CHD2: variants seen among roughly 807,000 people sequenced by gnomAD.
CHD2 encodes chromodomain helicase DNA binding protein 2.
A neutral mutation model predicts 243.9 loss-of-function variants in CHD2; 28 were observed. The ratio of observed to expected loss-of-function variants is 0.11; its 90% CI spans 0.09 to 0.16. The LOEUF (loss-of-function observed/expected upper bound fraction) is 0.16, where lower values mean the gene tolerates loss of function less well. Ranked by LOEUF, CHD2 falls within the 10% of genes least tolerant of loss-of-function variation. The pLI is 1.00. For synonymous variants in CHD2, 775 were observed against 779.0 expected, an observed-to-expected ratio of 0.99 and a Z score of 0.09; for missense variants, 1,386 against 2,209.8, an observed-to-expected ratio of 0.63 and a Z score of 7.47.
chr15:92,959,762 T>TATTA (rs1485849940), intron 16 of CHD2, among the ~76,000 whole-genome samples: 2 of 152,198 alleles, frequency 1.3e-5, no homozygotes, highest in African/African-American at 4.8e-5. Flanking sequence ...AAAGTACTGG[T>TATTA]ATTATAGGCG....
At chr15:92,907,738 A>G (rs1370221306) in intron 2 of CHD2, among the ~76,000 whole-genome samples, 1 of 152,216 alleles carries the variant, frequency 6.6e-6, no homozygotes, top group Non-Finnish European at 1.5e-5. Context: ...AGAGCCCATC[A>G]CATTAAAAGT....
At chr15:92,968,431 A>C in intron 17 of CHD2, among the ~76,000 whole-genome samples, 1 of 152,204 alleles carries the variant, frequency 6.6e-6, no homozygotes, top group Admixed American at 6.5e-5. Flanking sequence ...GTAAGTGTAA[A>C]GGCTTGATTA....
intron 2 of CHD2, chr15:92,901,842 C>T (rs758977933): frequency 2.3e-5 from 6 of 263,456 alleles, no homozygotes; most frequent in Non-Finnish European, 3.5e-5. Flanking sequence ...TGATGCCTCT[C>T]AGTTTATATT....
At chr15:93,004,555 A>G in intron 33 of CHD2, 62 bp from the exon 34 acceptor site, 1 of 1,480,458 alleles carries the variant, frequency 6.8e-7, no homozygotes, top group Non-Finnish European at 9.1e-7. Context: ...TAGGTAAGAA[A>G]CCTAAATCGC....
chr15:92,943,215 A>C, intron 9 of CHD2, 147 bp downstream of exon 9: 2 of 654,602 alleles, frequency 3.1e-6, no homozygotes, highest in Non-Finnish European at 5.2e-6. Flanking sequence ...ATTCTATTTT[A>C]TAAGATTGTG....
intron 6 of CHD2, among the ~76,000 whole-genome samples, chr15:92,937,838 C>T (rs956580852): frequency 6.6e-6 from 1 of 152,228 alleles, no homozygotes; most frequent in Non-Finnish European, 1.5e-5. Context: ...AACATGTCTT[C>T]CGCTTTTAGT....
At chr15:92,925,404 A>G (rs999430814) in intron 3 of CHD2, among the ~76,000 whole-genome samples, 1 of 152,216 alleles carries the variant, frequency 6.6e-6, no homozygotes, top group Admixed American at 6.5e-5. Context: ...AAGGACAAAT[A>G]AGAACACAAG....
chr15:93,016,867 T>A (rs2054468995), intron 37 of CHD2, among the ~76,000 whole-genome samples: 2 of 151,134 alleles, frequency 1.3e-5, no homozygotes, highest in African/African-American at 4.9e-5. Flanking sequence ...AGAAAAAAAC[T>A]CTGTGGAGCT....
At chr15:92,941,702 A>C (rs551551193) in intron 7 of CHD2, 120 bp from the exon 8 acceptor site, 1 of 1,025,442 alleles carries the variant, frequency 9.8e-7, no homozygotes, top group African/African-American at 1.6e-5. Flanking sequence ...TGGCAGATCT[A>C]TAAAACAACA....
intron 34 of CHD2, among the ~76,000 whole-genome samples, chr15:93,007,736 T>C (rs2054339421): frequency 6.6e-6 from 1 of 152,210 alleles, no homozygotes; most frequent in African/African-American, 2.4e-5. Flanking sequence ...TTATGGAATT[T>C]CTTGTGTTTG....
intron 28 of CHD2, among the ~76,000 whole-genome samples, chr15:92,993,810 G>C (rs1007252589): frequency 7.9e-5 from 12 of 151,998 alleles, no homozygotes; most frequent in Non-Finnish European, 1.5e-5. Flanking sequence ...GCCGAAAGTA[G>C]TAGGATGCAC....
chr15:92,908,088 G>A (rs911332045), intron 2 of CHD2, among the ~76,000 whole-genome samples: 2 of 139,444 alleles, frequency 1.4e-5, no homozygotes, highest in African/African-American at 5.4e-5. Flanking sequence ...AGCTTCTTGT[G>A]TGAATCACAG....
At chr15:92,912,723 CA>C (rs112338036) in intron 2 of CHD2, among the ~76,000 whole-genome samples, 12,821 of 151,980 alleles carry the variant, frequency 0.084, 1,509 homozygotes, top group African/African-American at 0.27. Context: ...TTAGTAGAGA[CA>C]GGGGTTTCAC....
chr15:93,024,250 C>T, intron 38 of CHD2, 122 bp from the exon 39 acceptor site: 1 of 842,866 alleles, frequency 1.2e-6, no homozygotes, highest in South Asian at 1.8e-5. Context: ...TTTTTGATTC[C>T]TAATAATGTG....
chr15:92,950,960 A>C (rs2053546179), intron 13 of CHD2, among the ~76,000 whole-genome samples: 1 of 152,120 alleles, frequency 6.6e-6, no homozygotes, highest in Non-Finnish European at 1.5e-5. Context: ...TGATATAATG[A>C]TTCTGAATTG....
At chr15:93,011,264 G>A (rs1055718453) in intron 35 of CHD2, among the ~76,000 whole-genome samples, 6 of 152,168 alleles carry the variant, frequency 3.9e-5, no homozygotes, top group Non-Finnish European at 2.9e-5. Context: ...TCGTCATGAG[G>A]CAGCAAATGC....
chr15:92,945,982 A>G, intron 11 of CHD2, 56 bp from the exon 12 acceptor site: 1 of 1,512,634 alleles, frequency 6.6e-7, no homozygotes, highest in East Asian at 2.3e-5. Context: ...ACAGAATGTC[A>G]TTTTTCACTT....
At chr15:92,977,467 A>G (rs916756686) in intron 20 of CHD2, among the ~76,000 whole-genome samples, 2 of 152,176 alleles carry the variant, frequency 1.3e-5, no homozygotes, top group South Asian at 2.1e-4. Flanking sequence ...CTTTTGACAT[A>G]TATGATTAAA....
intron 33 of CHD2, among the ~76,000 whole-genome samples, chr15:93,004,056 A>G (rs1311340238): frequency 6.6e-6 from 1 of 151,302 alleles, no homozygotes; most frequent in Non-Finnish European, 1.5e-5. Context: ...CCCAGGAGGC[A>G]GAGGTTGCAG....
Sources: allele counts gnomAD v4.1 joint callset (sites outside exome capture counted in the v4.1 genomes callset), GRCh38; gene constraint gnomAD v4.1.1; transcripts MANE v1.5; gene names NCBI Gene and HGNC (gene_info 2026-07-23, HGNC 2026-07-21).